Variants in AGMO observed in about 807,000 individuals in gnomAD.
The protein encoded by AGMO is alkylglycerol monooxygenase.
A neutral mutation model predicts 60.2 loss-of-function variants in AGMO; 75 were observed. That is an observed-to-expected ratio of 1.25 (90% CI 1.03 to 1.51). The LOEUF is 1.51. Among genes scored for constraint, AGMO ranks in the 40% most tolerant of loss-of-function variants. The probability of loss-of-function intolerance (pLI) is 0.00; values close to 1 mark genes in which losing one functional copy is unlikely to be tolerated. For missense variants in AGMO, 763 were observed against 525.5 expected (o/e 1.45, Z -4.42); for synonymous variants, 261 against 177.1 (o/e 1.47, Z -3.76).
intron 3 of AGMO, among the ~76,000 whole-genome samples, chr7:15,491,874 G>A (rs992834806): frequency 6.6e-6 from 1 of 152,170 alleles, no homozygotes; most frequent in African/African-American, 2.4e-5. Flanking sequence ...CCCAAAATCA[G>A]AGGGATTTAA....
At position 15,529,113 on chromosome 7, in the gene AGMO, G is replaced by A. The variant is rs562502564; in HGVS notation, c.409+15659C>T. Among the ~76,000 whole-genome samples, 4 of 152,036 alleles carry A rather than the reference G, an allele frequency of 2.6e-5. No homozygotes were observed. The Middle Eastern group carries it at 0.01, about 388-fold the overall frequency. ...AAACAGACATTCTCAGCTTAATTGG[G>A]GGAATTCTTAAAATGCACTGACAAC... On this transcript the variant is annotated intron_variant, in intron 3 of 12. Coordinates refer to ENST00000342526, the MANE Select transcript of AGMO (RefSeq NM_001004320.2).
rs1345048595 is a variant in AGMO, at chr7:15,301,167, G to A, written c.1263+64347C>T. Among the ~76,000 whole-genome samples, 9 of 152,228 alleles carry A rather than the reference G, an allele frequency of 5.9e-5. No individual in the cohort carries two copies. The South Asian group carries it at 6.2e-4, about 11-fold the overall frequency. On this transcript the variant is annotated intron_variant, in intron 12 of 12. Coordinates refer to ENST00000342526, the MANE Select transcript of AGMO (RefSeq NM_001004320.2). ...TTAAAAGCAAATGCTGGCCGGGCGCGGTGGCTCATGCCTGTAATCCCAACA... is the reference window on the plus strand; with the variant it reads ...TTAAAAGCAAATGCTGGCCGGGCGCAGTGGCTCATGCCTGTAATCCCAACA...
chr7:15,274,482 G>GGATA (rs112215206), intron 12 of AGMO, among the ~76,000 whole-genome samples: 1 of 152,262 alleles, frequency 6.6e-6, no homozygotes, highest in African/African-American at 2.4e-5. Flanking sequence ...TGATCATGGT[G>GGATA]GATAAGCTTT....
chr7:15,378,242 T>C (rs939319945), intron 10 of AGMO, among the ~76,000 whole-genome samples: 1 of 152,022 alleles, frequency 6.6e-6, no homozygotes, highest in African/African-American at 2.4e-5. Context: ...CATACAAACT[T>C]ATCTATTGTT....
intron 12 of AGMO, among the ~76,000 whole-genome samples, chr7:15,350,128 G>A (rs1214416751): frequency 6.6e-6 from 1 of 152,038 alleles, no homozygotes; most frequent in Non-Finnish European, 1.5e-5. Flanking sequence ...TGTGTTTCTG[G>A]AACCTGGGTC....
chr7:15,392,655 C>T (rs1784192678), intron 6 of AGMO, among the ~76,000 whole-genome samples: 1 of 151,898 alleles, frequency 6.6e-6, no homozygotes, highest in South Asian at 2.1e-4. Flanking sequence ...AAAAATTAAC[C>T]ACACGTGGTG....
rs993535607 is a variant in AGMO, at chr7:15,483,532, T to G, written c.410-52424A>C. ...AGTGAGCCGCGATAGATCGTGCTACTGCACTACAGCCTGGGTGACAGAGCA... is the reference window on the plus strand; with the variant it reads ...AGTGAGCCGCGATAGATCGTGCTACGGCACTACAGCCTGGGTGACAGAGCA... On this transcript the variant is annotated intron_variant, in intron 3 of 12. Transcript: ENST00000342526. Among the ~76,000 whole-genome samples, 7 of 152,238 alleles carry G rather than the reference T, an allele frequency of 4.6e-5. No homozygotes were observed. The East Asian group carries it at 9.7e-4, about 21-fold the overall frequency.
chr7:15,194,397 T>C, the AGMO span, among the ~76,000 whole-genome samples: 2 of 152,032 alleles, frequency 1.3e-5, no homozygotes, highest in Non-Finnish European at 2.9e-5. Flanking sequence ...AAAATATATA[T>C]AAGTAAAATA....
intron 12 of AGMO, among the ~76,000 whole-genome samples, chr7:15,316,608 AT>A (rs1780932421): frequency 2.4e-5 from 2 of 82,728 alleles, no homozygotes; most frequent in African/African-American, 1.3e-4. Flanking sequence ...CCCAACAAAT[AT>A]ACACACACAC....
chr7:15,331,406 G>A (rs778032608), intron 12 of AGMO, among the ~76,000 whole-genome samples: 7 of 152,074 alleles, frequency 4.6e-5, no homozygotes, highest in Admixed American at 1.3e-4. Context: ...AGAATAAAAT[G>A]AAAAAATATA....
At chr7:15,368,863 C>T (rs551092797) in intron 10 of AGMO, among the ~76,000 whole-genome samples, 1 of 152,238 alleles carries the variant, frequency 6.6e-6, no homozygotes, top group Non-Finnish European at 1.5e-5. Context: ...ATCCTGACTA[C>T]TGGACTCAGA....
intron 12 of AGMO, among the ~76,000 whole-genome samples, chr7:15,307,532 T>C (rs1427861601): frequency 6.6e-6 from 1 of 152,006 alleles, no homozygotes; most frequent in Non-Finnish European, 1.5e-5. Flanking sequence ...CTAGTTTTTT[T>C]TTTCTTATGA....
chr7:15,217,797 A>G (rs2128495818), intron 12 of AGMO, among the ~76,000 whole-genome samples: 1 of 152,186 alleles, frequency 6.6e-6, no homozygotes, highest in African/African-American at 2.4e-5. Flanking sequence ...AAATAACAAT[A>G]GAAAGCAAAA....
At chr7:15,277,184 T>C (rs144832431) in intron 12 of AGMO, among the ~76,000 whole-genome samples, 2 of 152,108 alleles carry the variant, frequency 1.3e-5, no homozygotes, top group African/African-American at 4.8e-5. Flanking sequence ...GGTGGGTGCC[T>C]GTAAACCCAG....
chr7:15,143,526 T>G, the AGMO span, among the ~76,000 whole-genome samples: 1 of 152,190 alleles, frequency 6.6e-6, no homozygotes, highest in East Asian at 1.9e-4. Context: ...ACTTTAACAG[T>G]AAAAGGCATT....
At chr7:15,375,086 G>A (rs1783392930) in intron 10 of AGMO, among the ~76,000 whole-genome samples, 1 of 151,994 alleles carries the variant, frequency 6.6e-6, no homozygotes, top group East Asian at 1.9e-4. Context: ...GGTAGTAATT[G>A]GTCCAAGACT....
chr7:15,217,363 C>G (rs933567847), intron 12 of AGMO, among the ~76,000 whole-genome samples: 12 of 149,988 alleles, frequency 8.0e-5, no homozygotes, highest in Non-Finnish European at 1.6e-4. Flanking sequence ...CTCTCTCTCT[C>G]TGTGTGTGTC....
downstream of AGMO, among the ~76,000 whole-genome samples, chr7:15,198,239 G>GTGTTAA (rs1781179444): frequency 1.8e-5 from 2 of 108,938 alleles, no homozygotes; most frequent in Middle Eastern, 4.1e-3. Context: ...GAGAGAGAGA[G>GTGTTAA]AGAGAGAGAG....
chr7:15,443,798 T>C (rs902481032), intron 3 of AGMO, among the ~76,000 whole-genome samples: 2 of 152,188 alleles, frequency 1.3e-5, no homozygotes, highest in Admixed American at 6.5e-5. Flanking sequence ...ATAAACATTA[T>C]ATTGAAAAAA....
Sources: gnomAD v4.1 joint callset for allele counts (sites outside exome capture counted in the v4.1 genomes callset) on GRCh38, gnomAD v4.1.1 for gene constraint, MANE v1.5 for transcripts, NCBI Gene and HGNC (gene_info 2026-07-23, HGNC 2026-07-21) for gene names.